The following ANO4 variants were observed in gnomAD, a reference collection of about 807,000 sequenced individuals.
ANO4 encodes anoctamin-4.
ANO4 carries 69 observed loss-of-function variants against 141.9 expected under a neutral mutation model. The observed-to-expected ratio is 0.49, with a 90% CI of 0.40 to 0.59. ANO4 has a LOEUF of 0.59. Ranked by LOEUF, ANO4 falls within the 20% of genes least tolerant of loss-of-function variation. The probability of loss-of-function intolerance (pLI) is 0.00; values close to 1 mark genes in which losing one functional copy is unlikely to be tolerated. For missense variants in ANO4, 894 were observed against 1,162.2 expected (o/e 0.77, Z 3.36); for synonymous variants, 350 against 394.3 (o/e 0.89, Z 1.33).
At chr12:100,774,707 A>G (rs970125540) in intron 3 of ANO4, among the ~76,000 whole-genome samples, 13 of 147,930 alleles carry the variant, frequency 8.8e-5, no homozygotes, top group African/African-American at 3.2e-4. Context: ...TGCTTAGTCA[A>G]AGACAAACAA....
chr12:100,944,277 A>G (rs554318372), intron 5 of ANO4, among the ~76,000 whole-genome samples: 1 of 152,246 alleles, frequency 6.6e-6, no homozygotes, highest in South Asian at 2.1e-4. Context: ...TGCCTGTTGT[A>G]CAGTTGTGCT....
intron 9 of ANO4, 70 bp downstream of exon 9, chr12:101,020,210 A>G (rs1470414492): frequency 3.6e-6 from 4 of 1,098,950 alleles, no homozygotes; most frequent in South Asian, 1.4e-5. Context: ...CCTTGGTTTT[A>G]TTAAGTTTGT....
At chr12:100,764,101 A>T (rs75254766) in intron 3 of ANO4, among the ~76,000 whole-genome samples, 1,911 of 152,286 alleles carry the variant, frequency 0.013, 25 homozygotes, top group African/African-American at 0.043. Flanking sequence ...GTATCTAGGC[A>T]TTCTGCAAAT....
upstream of ANO4, among the ~76,000 whole-genome samples, chr12:100,790,846 C>T (rs916837430): frequency 1.3e-5 from 2 of 152,152 alleles, no homozygotes; most frequent in African/African-American, 4.8e-5. Context: ...GCAAACCCGC[C>T]TACTAAGCAC....
Position 100,761,031 on chromosome 12 carries a change from G to A in ANO4, c.358+20926G>A, listed in dbSNP as rs80275202. Among the ~76,000 whole-genome samples the A allele has an allele frequency of 5.1e-3, 773 of 152,128 alleles. 24 individuals are homozygous for A. The East Asian group carries it at 0.068, about 13-fold the overall frequency. ...GAGAGTTCTTTCTCTTGCCCCTTTG[G>A]CTACCAGGGACTTCCTTAATGCCTC... On this transcript the variant is annotated intron_variant, in intron 3 of 29. Coordinates refer to the ANO4 transcript ENST00000644049.
At position 100,752,062 on chromosome 12, in the gene ANO4, T is replaced by G. The variant is rs141515710; in HGVS notation, c.358+11957T>G. Among the ~76,000 whole-genome samples the G allele has an allele frequency of 4.7e-3, 712 of 152,336 alleles. 6 individuals carry two copies. Among genetic ancestry groups the G allele is most frequent in the African/African-American group, 0.016 (665 of 41,582 alleles). ...CTTCATCTGTAAAATGGTGCAGTTATAAGACTCAAATGAGATAAAATAGGC... is the reference window on the plus strand; with the variant it reads ...CTTCATCTGTAAAATGGTGCAGTTAGAAGACTCAAATGAGATAAAATAGGC... On this transcript the variant is annotated intron_variant, in intron 3 of 29. Transcript: ENST00000644049.
At chr12:100,923,129 A>G (rs746667088) in intron 3 of ANO4, among the ~76,000 whole-genome samples, 1 of 151,860 alleles carries the variant, frequency 6.6e-6, no homozygotes, top group African/African-American at 2.4e-5. Flanking sequence ...GGGACATTGC[A>G]TTTTCTTTTC....
chr12:100,900,490 C>G (rs1593689425), intron 1 of ANO4, among the ~76,000 whole-genome samples: 2 of 148,284 alleles, frequency 1.3e-5, no homozygotes, highest in East Asian at 4.0e-4. Flanking sequence ...TGTGATGTTC[C>G]CCTTCCTGTG....
intron 3 of ANO4, among the ~76,000 whole-genome samples, chr12:100,926,718 C>G (rs1431768114): frequency 3.3e-5 from 5 of 152,066 alleles, no homozygotes; most frequent in African/African-American, 1.2e-4. Context: ...GTACCTTGAA[C>G]TCCTTTGTTT....
chr12:100,914,020 T>C lies in ANO4; in HGVS notation c.56-8206T>C, dbSNP rs1452935427. On this transcript the variant is annotated intron_variant, in intron 2 of 27. Coordinates refer to ENST00000392977, the MANE Select transcript of ANO4 (RefSeq NM_001286615.2). ...CCTGAGTTTGTCTCTTCTCCTCATCTGCAAGAGCCCTCGTCATCACAACAG... is the reference window on the plus strand; with the variant it reads ...CCTGAGTTTGTCTCTTCTCCTCATCCGCAAGAGCCCTCGTCATCACAACAG... Among the ~76,000 whole-genome samples the C allele has an allele frequency of 2.6e-5, 4 of 152,230 alleles. No individual in the cohort carries two copies. In the East Asian group the frequency reaches 7.7e-4, roughly 29 times the overall value.
chr12:100,938,656 A>C (rs2042384838), intron 3 of ANO4, among the ~76,000 whole-genome samples: 1 of 152,170 alleles, frequency 6.6e-6, no homozygotes, highest in Non-Finnish European at 1.5e-5. Context: ...TGTACCTAGA[A>C]CCGTGATATA....
intron 1 of ANO4, among the ~76,000 whole-genome samples, chr12:100,868,223 A>G (rs1409925086): frequency 1.3e-5 from 2 of 152,164 alleles, no homozygotes; most frequent in African/African-American, 4.8e-5. Flanking sequence ...CACAGCATGC[A>G]CCTGAGGCAG....
intron 1 of ANO4, among the ~76,000 whole-genome samples, chr12:100,818,005 C>T (rs912477360): frequency 9.9e-5 from 15 of 151,558 alleles, no homozygotes; most frequent in Non-Finnish European, 1.5e-5. Flanking sequence ...TTTAATGAAT[C>T]ATTTCATTAA....
chr12:101,010,736 T>A (rs1190653642), intron 8 of ANO4, among the ~76,000 whole-genome samples: 2 of 152,224 alleles, frequency 1.3e-5, no homozygotes, highest in African/African-American at 2.4e-5. Context: ...TAAGAAAGTT[T>A]CCTGAAATAT....
At chr12:100,963,242 G>A (rs146387500) in intron 5 of ANO4, among the ~76,000 whole-genome samples, 1 of 152,184 alleles carries the variant, frequency 6.6e-6, no homozygotes, top group South Asian at 2.1e-4. Context: ...GCTAATAGGT[G>A]ACATCTAAAC....
intron 22 of ANO4, among the ~76,000 whole-genome samples, chr12:101,106,573 G>GTATATATATATATATA (rs56808655): frequency 7.2e-6 from 1 of 138,602 alleles, no homozygotes; most frequent in South Asian, 2.3e-4. Context: ...GTGTGTGTGT[G>GTATATATATATATATA]TATATATATA....
In ANO4 at chr12:101,042,940, A is replaced by G. The variant is rs17407354; in HGVS notation, c.1154+472A>G. Among the ~76,000 whole-genome samples the G allele has an allele frequency of 6.3e-3, 958 of 152,332 alleles. 6 individuals carry two copies. The highest frequency in any genetic ancestry group is 1.0e-2 in the Non-Finnish European group (678 of 68,034). The stretch of plus-strand genomic sequence containing the variant: ...GTCTCACCAGAATATAGGTCAAGGT[A>G]CTCACAGAGATCTTGTTGCAAGGCT... On this transcript the variant is annotated intron_variant, in intron 12 of 27. Coordinates refer to ENST00000392977, the MANE Select transcript of ANO4 (RefSeq NM_001286615.2).
At chr12:100,862,117 G>A (rs1308421148) in intron 1 of ANO4, among the ~76,000 whole-genome samples, 4 of 151,834 alleles carry the variant, frequency 2.6e-5, no homozygotes, top group Admixed American at 2.0e-4. Flanking sequence ...TAGAGCCACG[G>A]GGTCTCATTA....
At chr12:100,928,326 A>G (rs2041959407) in intron 3 of ANO4, among the ~76,000 whole-genome samples, 1 of 152,160 alleles carries the variant, frequency 6.6e-6, no homozygotes, top group South Asian at 2.1e-4. Context: ...TAGTACATCT[A>G]TGTAAAGCCT....
Sources: gnomAD v4.1 joint callset for allele counts (sites outside exome capture counted in the v4.1 genomes callset) on GRCh38, gnomAD v4.1.1 for gene constraint, MANE v1.5 for transcripts, NCBI Gene and HGNC (gene_info 2026-07-23, HGNC 2026-07-21) for gene names.